RGS6: variants seen among roughly 807,000 people sequenced by gnomAD.
RGS6 encodes regulator of G-protein signaling 6.
RGS6 carries 30 observed loss-of-function variants against 78.5 expected under a neutral mutation model. The ratio of observed to expected loss-of-function variants is 0.38; its 90% CI spans 0.29 to 0.52. The LOEUF is 0.52. Among genes scored for constraint, RGS6 ranks in the 20% least tolerant of loss-of-function variants. RGS6 has a pLI of 0.85. For missense variants in RGS6, 495 were observed against 609.7 expected, an observed-to-expected ratio of 0.81 and a Z score of 1.98; for synonymous variants, 206 against 206.0, an observed-to-expected ratio of 1.00 and a Z score of 0.00.
At chr14:72,348,666 A>T (rs1340971346) in intron 2 of RGS6, among the ~76,000 whole-genome samples, 2 of 152,366 alleles carry the variant, frequency 1.3e-5, no homozygotes, top group East Asian at 3.9e-4. Flanking sequence ...TAAGAGTTTT[A>T]AAATAGATGG....
In RGS6 at chr14:72,011,460, C is replaced by A. The variant is rs577386690; in HGVS notation, c.84+46585C>A. Among the ~76,000 whole-genome samples the A allele has an allele frequency of 2.0e-5, 3 of 152,202 alleles. No individual in the cohort carries two copies. In the East Asian group the frequency reaches 5.8e-4, roughly 29 times the overall value. On this transcript the variant is annotated intron_variant, in intron 2 of 17. Transcript: ENST00000553525. Reference sequence around the variant, plus strand: ...TTTCCTGCCTCCATTTTGCTCATGGCATTCCCTTGAATTAGGTTCTATGAG... The same window carrying A: ...TTTCCTGCCTCCATTTTGCTCATGGAATTCCCTTGAATTAGGTTCTATGAG...
intron 2 of RGS6, among the ~76,000 whole-genome samples, chr14:72,113,080 A>G (rs374182659): frequency 0.05 from 7,547 of 151,536 alleles, 221 homozygotes; most frequent in Middle Eastern, 0.071. Context: ...ACACACACGC[A>G]TGCACGCATG....
chr14:72,387,267 G>A (rs1207786963), intron 3 of RGS6, among the ~76,000 whole-genome samples: 1 of 152,030 alleles, frequency 6.6e-6, no homozygotes, highest in Non-Finnish European at 1.5e-5. Flanking sequence ...AAGGGAGAGG[G>A]GGCTGGGCGC....
At chr14:71,999,725 C>T (rs981221033) in intron 2 of RGS6, among the ~76,000 whole-genome samples, 2 of 152,196 alleles carry the variant, frequency 1.3e-5, no homozygotes, top group South Asian at 2.1e-4. Context: ...CTCTCTTTCT[C>T]GTGCTCTGGA....
chr14:72,573,464 AC>A, the RGS6 span, among the ~76,000 whole-genome samples: 2 of 152,060 alleles, frequency 1.3e-5, no homozygotes, highest in Non-Finnish European at 2.9e-5. Context: ...TTTGAGAAAG[AC>A]CCCAGGAATC....
rs148422194 is a variant in RGS6 at position 72,051,284 on chromosome 14, G to A, written c.84+86409G>A. Among the ~76,000 whole-genome samples the A allele has an allele frequency of 1.4e-4, 22 of 152,178 alleles. 1 individual carries two copies. Among genetic ancestry groups the A allele is most frequent in the African/African-American group, 5.1e-4 (21 of 41,514 alleles). On this transcript the variant is annotated intron_variant, in intron 2 of 17. Transcript: ENST00000553525. ...CAAGCACAAGCAAAAAGAAAACAGG[G>A]CTGGCAGTATTCGCATGGGGGCAAT... is the stretch of plus-strand genomic sequence containing the variant.
intron 2 of RGS6, among the ~76,000 whole-genome samples, chr14:72,217,201 G>A (rs1021491356): frequency 1.3e-5 from 2 of 152,142 alleles, no homozygotes; most frequent in East Asian, 1.9e-4. Flanking sequence ...TGGTGGGAAA[G>A]GAACAGATTG....
At chr14:72,068,373 C>A (rs952571414) in intron 2 of RGS6, among the ~76,000 whole-genome samples, 1 of 151,808 alleles carries the variant, frequency 6.6e-6, no homozygotes, top group Non-Finnish European at 1.5e-5. Context: ...GAGCTCAGGC[C>A]ATCTGTCCAC....
chr14:71,965,259 TG>T (rs1197788057), intron 2 of RGS6, among the ~76,000 whole-genome samples: 1 of 152,196 alleles, frequency 6.6e-6, no homozygotes, highest in African/African-American at 2.4e-5. Context: ...TTGTATGAGA[TG>T]CTTACAGTTG....
intron 2 of RGS6, among the ~76,000 whole-genome samples, chr14:72,326,643 A>G (rs2073841594): frequency 6.6e-6 from 1 of 152,158 alleles, no homozygotes; most frequent in African/African-American, 2.4e-5. Context: ...TGCTTCCTGT[A>G]CAGCCTGAAG....
chr14:72,285,258 G>A (rs921167958), intron 2 of RGS6, among the ~76,000 whole-genome samples: 1 of 152,132 alleles, frequency 6.6e-6, no homozygotes, highest in Non-Finnish European at 1.5e-5. Context: ...TGGTTTGGCT[G>A]TGTCCCCACC....
At chr14:72,480,625 C>T (rs1006596039) in intron 12 of RGS6, among the ~76,000 whole-genome samples, 1 of 152,068 alleles carries the variant, frequency 6.6e-6, no homozygotes, top group Admixed American at 6.5e-5. Context: ...GGAAAGGAGA[C>T]GCGTGTTAGC....
At chr14:72,453,223 C>T (rs2095539909) in intron 3 of RGS6, among the ~76,000 whole-genome samples, 1 of 152,020 alleles carries the variant, frequency 6.6e-6, no homozygotes, top group African/African-American at 2.4e-5. Context: ...TTGTGAGTTT[C>T]CAGGTACTAG....
chr14:71,891,053 A>G, the RGS6 span, among the ~76,000 whole-genome samples: 1 of 152,174 alleles, frequency 6.6e-6, no homozygotes, highest in Non-Finnish European at 1.5e-5. Flanking sequence ...TGTAAAGAAA[A>G]GGCTCCACAG....
intron 2 of RGS6, among the ~76,000 whole-genome samples, chr14:72,282,432 GT>G (rs1404451954): frequency 1.3e-5 from 2 of 152,176 alleles, no homozygotes; most frequent in Non-Finnish European, 2.9e-5. Context: ...CTCTAACAGA[GT>G]TGCAGTTTCC....
chr14:72,322,291 A>C (rs2152520665), intron 2 of RGS6, among the ~76,000 whole-genome samples: 1 of 152,166 alleles, frequency 6.6e-6, no homozygotes, highest in Non-Finnish European at 1.5e-5. Flanking sequence ...ATTAGTAAAC[A>C]AACCAAAATG....
At chr14:72,125,298 G>A (rs1359613916) in intron 2 of RGS6, among the ~76,000 whole-genome samples, 1 of 152,188 alleles carries the variant, frequency 6.6e-6, no homozygotes, top group Non-Finnish European at 1.5e-5. Context: ...CTGTGAGAAT[G>A]CTCCACTGCC....
intron 2 of RGS6, among the ~76,000 whole-genome samples, chr14:72,143,645 G>C (rs1333381820): frequency 6.6e-6 from 1 of 152,118 alleles, no homozygotes; most frequent in Non-Finnish European, 1.5e-5. Flanking sequence ...CAGCAAACTG[G>C]AATGTGGTTC....
At chr14:72,196,244 G>A (rs781002205) in intron 2 of RGS6, among the ~76,000 whole-genome samples, 3 of 152,178 alleles carry the variant, frequency 2.0e-5, no homozygotes, top group Non-Finnish European at 4.4e-5. Flanking sequence ...TGTGTGACTG[G>A]GGGATGGAGC....
Sources: gnomAD v4.1 joint callset for allele counts (sites outside exome capture counted in the v4.1 genomes callset) on GRCh38, gnomAD v4.1.1 for gene constraint, MANE v1.5 for transcripts, NCBI Gene and HGNC (gene_info 2026-07-23, HGNC 2026-07-21) for gene names.